Variants in SGCD observed in about 807,000 individuals in gnomAD.
SGCD encodes delta-sarcoglycan.
Under a neutral mutation model 36.6 loss-of-function variants are expected in SGCD, and 18 were observed. The ratio of observed to expected loss-of-function variants is 0.49; its 90% CI spans 0.34 to 0.73. The LOEUF is 0.73. Ranked by LOEUF, SGCD falls within the 30% of genes least tolerant of loss-of-function variation. SGCD has a pLI of 0.01. For missense variants in SGCD, 387 were observed against 346.7 expected, an observed-to-expected ratio of 1.12 and a Z score of -0.92; for synonymous variants, 133 against 130.6, an observed-to-expected ratio of 1.02 and a Z score of -0.12.
chr5:155,893,536 G>T (rs1210860382), intron 1 of SGCD, among the ~76,000 whole-genome samples: 1 of 152,154 alleles, frequency 6.6e-6, no homozygotes, highest in Non-Finnish European at 1.5e-5. Flanking sequence ...CTTTGCTTTT[G>T]TTTGTTGAGA....
At chr5:155,899,856 C>T (rs779089642) in intron 1 of SGCD, among the ~76,000 whole-genome samples, 1 of 152,138 alleles carries the variant, frequency 6.6e-6, no homozygotes, top group Non-Finnish European at 1.5e-5. Flanking sequence ...TTCCCATTTG[C>T]AGACAGTTCG....
intron 6 of SGCD, among the ~76,000 whole-genome samples, chr5:156,630,169 C>G (rs931638451): frequency 2.6e-5 from 4 of 152,116 alleles, no homozygotes; most frequent in Non-Finnish European, 5.9e-5. Context: ...GGCCCTAAGA[C>G]CTTTTCATCA....
intron 1 of SGCD, among the ~76,000 whole-genome samples, chr5:155,933,557 A>G (rs2113395474): frequency 6.6e-6 from 1 of 152,334 alleles, no homozygotes; most frequent in Non-Finnish European, 1.5e-5. Context: ...TAAATGAGTG[A>G]ATGAATCTCA....
chr5:156,194,579 A>G (rs978062275), intron 3 of SGCD, among the ~76,000 whole-genome samples: 1 of 152,096 alleles, frequency 6.6e-6, no homozygotes, highest in Non-Finnish European at 1.5e-5. Flanking sequence ...TAGATAAGCT[A>G]CAGATTAAGT....
chr5:156,652,588 C>T (rs999000204), intron 7 of SGCD, among the ~76,000 whole-genome samples: 1 of 152,064 alleles, frequency 6.6e-6, no homozygotes, highest in Admixed American at 6.6e-5. Context: ...ATTTCTCTTG[C>T]CTGATTGCTG....
chr5:156,015,860 A>G (rs1758964015), intron 1 of SGCD, among the ~76,000 whole-genome samples: 1 of 150,268 alleles, frequency 6.7e-6, no homozygotes, highest in Middle Eastern at 3.5e-3. Context: ...GAAATTATAT[A>G]TATAATATAT....
chr5:156,278,508 T>C (rs955903191), intron 3 of SGCD, among the ~76,000 whole-genome samples: 1 of 152,044 alleles, frequency 6.6e-6, no homozygotes, highest in African/African-American at 2.4e-5. Context: ...AAGATAATTG[T>C]TTTTCCCCAG....
chr5:156,168,292 T>C (rs989859408), intron 3 of SGCD, among the ~76,000 whole-genome samples: 3 of 152,152 alleles, frequency 2.0e-5, no homozygotes, highest in African/African-American at 7.2e-5. Flanking sequence ...ACTCACTAAG[T>C]GCTTGTAGAA....
chr5:156,001,083 G>T (rs1758654828), intron 1 of SGCD, among the ~76,000 whole-genome samples: 1 of 152,156 alleles, frequency 6.6e-6, no homozygotes, highest in African/African-American at 2.4e-5. Flanking sequence ...GGGACTTTGT[G>T]GGGTTGACTT....
At chr5:155,833,839 T>A in the SGCD span, among the ~76,000 whole-genome samples, 1 of 152,216 alleles carries the variant, frequency 6.6e-6, no homozygotes, top group Non-Finnish European at 1.5e-5. Flanking sequence ...TAATTTTAGA[T>A]CAGGTCAACC....
At chr5:156,754,976 G>A (rs568001840) in intron 7 of SGCD, among the ~76,000 whole-genome samples, 4 of 152,278 alleles carry the variant, frequency 2.6e-5, no homozygotes, top group Non-Finnish European at 4.4e-5. Context: ...ATTTTTGTGT[G>A]AAGTTCATTG....
At chr5:155,739,659 T>C in the SGCD span, among the ~76,000 whole-genome samples, 1 of 152,168 alleles carries the variant, frequency 6.6e-6, no homozygotes, top group Non-Finnish European at 1.5e-5. Flanking sequence ...ATATACCCAG[T>C]AAACATTTAT....
rs1179874369 is a variant in SGCD at position 156,055,808 on chromosome 5, G to C, written c.-281-62070G>C. Among the ~76,000 whole-genome samples the C allele has an allele frequency of 1.4e-5, 2 of 145,826 alleles. 1 individual carries two copies. The highest frequency in any genetic ancestry group is 3.1e-5 in the Non-Finnish European group (2 of 64,776). On this transcript the variant is annotated intron_variant, in intron 1 of 9. Transcript: ENST00000517913. ...TATACTCTAGTTCAGCAGCCAGAAAGGAGTCTAAAAAGTTAATTCATCATG... is the reference window on the plus strand; with the variant it reads ...TATACTCTAGTTCAGCAGCCAGAAACGAGTCTAAAAAGTTAATTCATCATG...
intron 3 of SGCD, among the ~76,000 whole-genome samples, chr5:156,438,531 A>G (rs2127793709): frequency 6.6e-6 from 1 of 152,202 alleles, no homozygotes; most frequent in African/African-American, 2.4e-5. Flanking sequence ...GTAGAAAAGA[A>G]ACTCCACTTC....
chr5:156,603,224 G>A (rs1226119325), intron 6 of SGCD, among the ~76,000 whole-genome samples: 3 of 151,960 alleles, frequency 2.0e-5, no homozygotes, highest in Non-Finnish European at 4.4e-5. Context: ...AAGTTTGTTG[G>A]TAGATAGATA....
chr5:156,730,754 T>G (rs1756019842), intron 7 of SGCD, among the ~76,000 whole-genome samples: 1 of 152,140 alleles, frequency 6.6e-6, no homozygotes, highest in Non-Finnish European at 1.5e-5. Context: ...ATGGGATTCC[T>G]GGGTCAAATG....
intron 7 of SGCD, among the ~76,000 whole-genome samples, chr5:156,743,849 GT>G (rs1756814028): frequency 6.6e-6 from 1 of 152,212 alleles, no homozygotes; most frequent in African/African-American, 2.4e-5. Context: ...AGGAGCTTGA[GT>G]TTCAAAGTGA....
At chr5:156,224,955 T>C (rs1338865100) in intron 3 of SGCD, among the ~76,000 whole-genome samples, 1 of 152,132 alleles carries the variant, frequency 6.6e-6, no homozygotes, top group Non-Finnish European at 1.5e-5. Context: ...TTAAGACTGT[T>C]AGATATTATA....
At chr5:156,471,094 A>C (rs943407823) in intron 3 of SGCD, among the ~76,000 whole-genome samples, 4 of 152,212 alleles carry the variant, frequency 2.6e-5, no homozygotes, top group Non-Finnish European at 5.9e-5. Flanking sequence ...GTATTATTAC[A>C]ATAGACAAAT....
Sources: gnomAD v4.1 joint callset for allele counts (sites outside exome capture counted in the v4.1 genomes callset) on GRCh38, gnomAD v4.1.1 for gene constraint, MANE v1.5 for transcripts, NCBI Gene and HGNC (gene_info 2026-07-23, HGNC 2026-07-21) for gene names.